Variants in ATP6V0A4 observed in about 807,000 individuals in gnomAD.
The protein encoded by ATP6V0A4 is ATPase H+ transporting V0 subunit a4, also known as V-type proton ATPase 116 kDa subunit a 4.
Under a neutral mutation model 107.3 loss-of-function variants are expected in ATP6V0A4, and 86 were observed. The ratio of observed to expected loss-of-function variants is 0.80; its 90% CI spans 0.67 to 0.96. The LOEUF is 0.96. ATP6V0A4 is among the 40% of genes least tolerant of loss of function. The pLI, the probability that ATP6V0A4 is intolerant of heterozygous loss-of-function variation, is 0.00. For synonymous variants in ATP6V0A4, 353 were observed against 381.4 expected (o/e 0.93, Z 0.87); for missense variants, 908 against 1,045.6 (o/e 0.87, Z 1.81).
chr7:138,768,941 C>A lies in ATP6V0A4; in HGVS notation c.197-67G>T. On this transcript the variant is annotated intron_variant, in intron 4 of 21. Coordinates refer to ENST00000310018, the MANE Select transcript of ATP6V0A4 (RefSeq NM_020632.3). ...TTTTCTCATAACTAAGAAATGAGGTCAAGCAAGACATGTGCCTTTCACTCA... is the reference window on the plus strand; with the variant it reads ...TTTTCTCATAACTAAGAAATGAGGTAAAGCAAGACATGTGCCTTTCACTCA... 1.9e-6 allele frequency: 3 copies of A among 1,600,960 alleles called. No homozygotes were observed. The South Asian group carries it at 3.4e-5, about 18-fold the overall frequency.
intron 15 of ATP6V0A4, 40 bp from the exon 16 acceptor site, chr7:138,734,294 T>A: frequency 1.2e-6 from 2 of 1,609,570 alleles, no homozygotes; most frequent in Non-Finnish European, 1.7e-6. Flanking sequence ...TGAGAGAGAG[T>A]CTTAGAAGTT....
intron 18 of ATP6V0A4, among the ~76,000 whole-genome samples, chr7:138,722,271 T>C (rs1804460221): frequency 6.6e-6 from 1 of 151,956 alleles, no homozygotes; most frequent in Non-Finnish European, 1.5e-5. Flanking sequence ...CAGCTTGTAG[T>C]GAGCGGACAT....
intron 21 of ATP6V0A4, among the ~76,000 whole-genome samples, chr7:138,707,236 ATATAT>A (rs1182191996): frequency 3.7e-5 from 3 of 81,592 alleles, no homozygotes; most frequent in South Asian, 2.9e-4. Context: ...ATTATATAAT[ATATAT>A]TATATTATAT....
chr7:138,743,180 C>T (rs982016189), intron 14 of ATP6V0A4, among the ~76,000 whole-genome samples: 4 of 151,960 alleles, frequency 2.6e-5, no homozygotes, highest in Non-Finnish European at 5.9e-5. Flanking sequence ...AGGATTGGGC[C>T]GGGCGTGTGG....
At chr7:138,716,441 C>A (rs1804035634) in intron 19 of ATP6V0A4, among the ~76,000 whole-genome samples, 1 of 130,336 alleles carries the variant, frequency 7.7e-6, no homozygotes, top group Non-Finnish European at 1.7e-5. Flanking sequence ...GAAGGGACAG[C>A]CTTAAAGAAA....
chr7:138,710,827 G>A (rs565080023), intron 20 of ATP6V0A4, among the ~76,000 whole-genome samples: 30 of 152,172 alleles, frequency 2.0e-4, no homozygotes, highest in African/African-American at 6.0e-4. Context: ...ACACAGAGAC[G>A]CCCAACAACA....
At chr7:138,780,272 A>G (rs1400670103) in intron 2 of ATP6V0A4, 1 of 152,186 alleles carries the variant, frequency 6.6e-6, no homozygotes. Context: ...ATCTCAGATC[A>G]CCAGGCATCA....
At chr7:138,747,713 C>T (rs533573541) in intron 12 of ATP6V0A4, 149 bp from the exon 13 acceptor site, 2 of 1,271,006 alleles carry the variant, frequency 1.6e-6, no homozygotes, top group East Asian at 2.6e-5. Flanking sequence ...CTGACACATG[C>T]TTAGCTGCCA....
intron 14 of ATP6V0A4, 146 bp from the exon 15 acceptor site, chr7:138,739,779 C>G: frequency 7.3e-7 from 1 of 1,365,932 alleles, no homozygotes; most frequent in East Asian, 2.5e-5. Flanking sequence ...TACTACACAT[C>G]AAGTATTGTC....
intron 5 of ATP6V0A4, 95 bp from the exon 6 acceptor site, chr7:138,763,120 G>A: frequency 6.5e-7 from 1 of 1,546,688 alleles, no homozygotes; most frequent in Non-Finnish European, 8.7e-7. Context: ...AAAATCAAAG[G>A]AATCAGCACA....
chr7:138,710,745 T>A (rs1803696956), intron 20 of ATP6V0A4, among the ~76,000 whole-genome samples: 1 of 152,158 alleles, frequency 6.6e-6, no homozygotes, highest in Non-Finnish European at 1.5e-5. Context: ...AGTGGCTCTT[T>A]TCACTCTTTG....
intron 15 of ATP6V0A4, among the ~76,000 whole-genome samples, chr7:138,736,187 G>A (rs1053600248): frequency 4.6e-5 from 7 of 152,164 alleles, no homozygotes; most frequent in Admixed American, 4.6e-4. Flanking sequence ...AGGCTGCATT[G>A]AGCCATGATC....
intron 14 of ATP6V0A4, among the ~76,000 whole-genome samples, chr7:138,743,465 A>AAAAAAAG (rs1554395569): frequency 1.3e-5 from 2 of 151,482 alleles, no homozygotes; most frequent in African/African-American, 4.8e-5. Context: ...CTCAAAAAAA[A>AAAAAAAG]AAAAAGAAAA....
chr7:138,794,939 C>T (rs192757193), intron 1 of ATP6V0A4, among the ~76,000 whole-genome samples: 159 of 151,646 alleles, frequency 1.0e-3, no homozygotes, highest in African/African-American at 3.6e-3. Context: ...ACTCTGTTGC[C>T]CAGGCTGGAG....
intron 5 of ATP6V0A4, among the ~76,000 whole-genome samples, chr7:138,763,975 A>AAATATAT (rs774897965): frequency 1.4e-5 from 2 of 143,626 alleles, no homozygotes; most frequent in South Asian, 4.3e-4. Context: ...TCAAAAAAAA[A>AAATATAT]ATATATATAT....
chr7:138,733,142 G>C, intron 16 of ATP6V0A4, 49 bp from the exon 17 acceptor site: 4 of 1,610,928 alleles, frequency 2.5e-6, no homozygotes, highest in Non-Finnish European at 2.5e-6. Flanking sequence ...TCAAGGGAAC[G>C]TTAGGACTTA....
chr7:138,755,882 T>C, intron 9 of ATP6V0A4, 100 bp from the exon 10 acceptor site: 1 of 1,545,310 alleles, frequency 6.5e-7, no homozygotes, highest in Admixed American at 1.9e-5. Flanking sequence ...TTTAGTTAGA[T>C]GGCCAGCCTA....
chr7:138,728,398 G>C (rs1804824841), intron 18 of ATP6V0A4, among the ~76,000 whole-genome samples: 1 of 151,762 alleles, frequency 6.6e-6, no homozygotes, highest in Non-Finnish European at 1.5e-5. Context: ...GGCTAATTTT[G>C]GTGTTTTTAG....
chr7:138,734,083 T>A, intron 16 of ATP6V0A4, 53 bp downstream of exon 16: 1 of 1,550,442 alleles, frequency 6.4e-7, no homozygotes, highest in Non-Finnish European at 8.9e-7. Flanking sequence ...CTGTCACCAT[T>A]CATCATCAGT....
Sources: gnomAD v4.1 joint callset for allele counts (sites outside exome capture counted in the v4.1 genomes callset) on GRCh38, gnomAD v4.1.1 for gene constraint, MANE v1.5 for transcripts, NCBI Gene and HGNC (gene_info 2026-07-23, HGNC 2026-07-21) for gene names.